OCA2: variants seen among roughly 807,000 people sequenced by gnomAD.
OCA2 encodes the protein OCA2 melanosomal transmembrane protein, also known as P protein.
Under a neutral mutation model 100.2 loss-of-function variants are expected in OCA2, and 77 were observed. The ratio of observed to expected loss-of-function variants is 0.77; its 90% confidence interval spans 0.64 to 0.93. The LOEUF (loss-of-function observed/expected upper bound fraction) is 0.93, where lower values mean the gene tolerates loss of function less well. Ranked by LOEUF, OCA2 falls within the 40% of genes least tolerant of loss-of-function variation. The pLI is 0.00. For synonymous variants in OCA2, 432 were observed against 439.2 expected, an observed-to-expected ratio of 0.98 and a Z score of 0.21; for missense variants, 1,062 against 1,089.1, an observed-to-expected ratio of 0.98 and a Z score of 0.35.
At chr15:27,811,968 G>T (rs1458749676) in intron 23 of OCA2, among the ~76,000 whole-genome samples, 1 of 152,194 alleles carries the variant, frequency 6.6e-6, no homozygotes. Context: ...ATTAAACAGG[G>T]ACAGAATCAC....
chr15:27,808,417 C>T (rs375212358), intron 23 of OCA2, among the ~76,000 whole-genome samples: 3 of 152,152 alleles, frequency 2.0e-5, no homozygotes, highest in Non-Finnish European at 2.9e-5. Context: ...CAGCAAGGAC[C>T]GCTGGGAGGC....
chr15:27,909,515 A>G (rs2038304768), intron 19 of OCA2, among the ~76,000 whole-genome samples: 1 of 152,204 alleles, frequency 6.6e-6, no homozygotes, highest in South Asian at 2.1e-4. Context: ...AACATATTAT[A>G]AAGCCTCAAA....
At chr15:27,865,552 T>G (rs7162978) in intron 21 of OCA2, among the ~76,000 whole-genome samples, 16,918 of 152,236 alleles carry the variant, frequency 0.11, 2,237 homozygotes, top group African/African-American at 0.31. Context: ...TGCATTTTCA[T>G]GAATGTTCTT....
At chr15:27,787,284 C>T (rs1472500990) in intron 23 of OCA2, among the ~76,000 whole-genome samples, 1 of 152,024 alleles carries the variant, frequency 6.6e-6, no homozygotes, top group Non-Finnish European at 1.5e-5. Context: ...GGCATTAGAA[C>T]AGTACTAAAA....
At chr15:28,006,138 A>G (rs538024054) in intron 9 of OCA2, among the ~76,000 whole-genome samples, 1 of 152,262 alleles carries the variant, frequency 6.6e-6, no homozygotes, top group Non-Finnish European at 1.5e-5. Context: ...GAATTCCCAG[A>G]ACAGGGCTGG....
chr15:27,751,023 G>A (rs116010726), downstream of OCA2, among the ~76,000 whole-genome samples: 25 of 152,276 alleles, frequency 1.6e-4, no homozygotes, highest in East Asian at 9.7e-4. Context: ...ACAGACCCAC[G>A]GATGCATTTA....
intron 9 of OCA2, among the ~76,000 whole-genome samples, chr15:28,005,451 C>T (rs1364519955): frequency 6.6e-6 from 1 of 152,256 alleles, no homozygotes; most frequent in Non-Finnish European, 1.5e-5. Flanking sequence ...CCAGCAGGTG[C>T]GCTACATCCT....
intron 23 of OCA2, among the ~76,000 whole-genome samples, chr15:27,801,725 C>T (rs915536776): frequency 1.1e-4 from 17 of 151,880 alleles, no homozygotes; most frequent in Non-Finnish European, 2.4e-4. Context: ...ATTTGAAAAA[C>T]TCAACACCCA....
intron 21 of OCA2, among the ~76,000 whole-genome samples, chr15:27,868,119 T>C (rs1336303224): frequency 6.6e-6 from 1 of 152,188 alleles, no homozygotes; most frequent in South Asian, 2.1e-4. Flanking sequence ...CATGCAGCTT[T>C]TTAGGCGTGC....
intron 19 of OCA2, among the ~76,000 whole-genome samples, chr15:27,880,169 C>T (rs1206562054): frequency 1.3e-5 from 2 of 152,004 alleles, no homozygotes; most frequent in Non-Finnish European, 2.9e-5. Context: ...TGTAGATGTG[C>T]GGTCTTATTT....
intron 19 of OCA2, among the ~76,000 whole-genome samples, chr15:27,899,007 A>G (rs983892183): frequency 2.0e-5 from 3 of 152,208 alleles, no homozygotes; most frequent in Non-Finnish European, 4.4e-5. Context: ...AGATCAATAT[A>G]TCTCATAAAG....
the OCA2 span, among the ~76,000 whole-genome samples, chr15:27,720,383 A>G: frequency 7.3e-5 from 11 of 149,754 alleles, no homozygotes; most frequent in Non-Finnish European, 1.5e-4. Flanking sequence ...TATATAATAT[A>G]TATGTTTATA....
rs765235945 is a variant in OCA2 at position 27,966,770 on chromosome 15, AC to A, written c.1555del (p.Val519PhefsTer29). The A allele has an allele frequency of 1.2e-6, 2 of 1,613,540 alleles. No homozygotes were observed. The highest frequency in any genetic ancestry group is 2.7e-5 in the African/African-American group (2 of 74,912). On this transcript the variant is annotated frameshift_variant, in exon 15 of 24. Transcript: ENST00000354638. LOFTEE classifies it high-confidence loss of function. ...GAGGAGCGGAAAGCAGACCAGGAGA[AC>A]AAGGCAAATCCCAATGAACATGTGT... is the stretch of plus-strand genomic sequence containing the variant. ...TAHMFIGICL[V>X]LLVCFPLLRL...
intron 7 of OCA2, among the ~76,000 whole-genome samples, chr15:28,016,697 T>C (rs1360770124): frequency 6.6e-6 from 1 of 152,076 alleles, no homozygotes; most frequent in Non-Finnish European, 1.5e-5. Context: ...GGGAGGATCC[T>C]GTGAGCCCAG....
chr15:27,730,611 C>G, the OCA2 span, among the ~76,000 whole-genome samples: 8 of 151,754 alleles, frequency 5.3e-5, no homozygotes, highest in Non-Finnish European at 1.2e-4. Context: ...CAGCCTCCAT[C>G]CTACAGCTAT....
At chr15:27,743,186 G>C in the OCA2 span, among the ~76,000 whole-genome samples, 4 of 152,112 alleles carry the variant, frequency 2.6e-5, no homozygotes, top group African/African-American at 9.7e-5. Flanking sequence ...CAGGGGAGCT[G>C]GCTGCCCGGC....
intron 18 of OCA2, among the ~76,000 whole-genome samples, chr15:27,929,911 G>A (rs4778207): frequency 0.19 from 29,272 of 151,308 alleles, 4,142 homozygotes; most frequent in East Asian, 0.63. Flanking sequence ...TAGCCATTAG[G>A]GAAACGTGGA....
At chr15:28,092,567 G>T (rs1041098478) in intron 1 of OCA2, among the ~76,000 whole-genome samples, 4 of 152,086 alleles carry the variant, frequency 2.6e-5, no homozygotes, top group Non-Finnish European at 1.5e-5. Flanking sequence ...TGCCCAGTCT[G>T]GTCTCAAACT....
intron 2 of OCA2, among the ~76,000 whole-genome samples, chr15:28,041,660 AAATT>A (rs1343013169): frequency 6.6e-6 from 1 of 152,254 alleles, no homozygotes; most frequent in African/African-American, 2.4e-5. Context: ...TAGGATTAAT[AAATT>A]CAGCATAACT....
Sources: gnomAD v4.1 joint callset for allele counts (sites outside exome capture counted in the v4.1 genomes callset) on GRCh38, gnomAD v4.1.1 for gene constraint, MANE v1.5 for transcripts, NCBI Gene and HGNC (gene_info 2026-07-23, HGNC 2026-07-21) for gene names.